Variants in NCK1 observed in about 807,000 individuals in gnomAD.
NCK1 encodes the protein SH2/SH3 adapter protein NCK1.
In NCK1, 19 loss-of-function variants were observed where a neutral mutation model predicts 36.6. That is an observed-to-expected ratio of 0.52 (90% CI 0.36 to 0.76). The LOEUF is 0.76. Ranked by LOEUF, NCK1 falls within the 30% of genes least tolerant of loss-of-function variation. NCK1 has a pLI of 0.00. For missense variants in NCK1, 358 were observed against 445.6 expected (o/e 0.80, Z 1.77); for synonymous variants, 165 against 156.0 (o/e 1.06, Z -0.43).
chr3:136,870,104 G>A (rs1938569091), intron 1 of NCK1, among the ~76,000 whole-genome samples: 1 of 149,982 alleles, frequency 6.7e-6, no homozygotes, highest in African/African-American at 2.5e-5. Context: ...CCCATTGGGA[G>A]GCCGAGGCAG....
intron 1 of NCK1, among the ~76,000 whole-genome samples, chr3:136,870,050 T>TTA (rs1491358312): frequency 9.9e-6 from 1 of 101,486 alleles, no homozygotes; most frequent in African/African-American, 2.8e-5. Flanking sequence ...TTTTTTTTTT[T>TTA]AAAAGAATCA....
chr3:136,936,605 A>G (rs546229293), intron 2 of NCK1, among the ~76,000 whole-genome samples: 2 of 152,286 alleles, frequency 1.3e-5, no homozygotes, highest in Non-Finnish European at 2.9e-5. Flanking sequence ...CCAGTATTGT[A>G]AGGGGGATTC....
At chr3:136,899,546 G>T in intron 1 of NCK1, 1 of 521,396 alleles carries the variant, frequency 1.9e-6, no homozygotes, top group Non-Finnish European at 3.6e-6. Context: ...CTGGTTTGGT[G>T]TTATTAGCAC....
chr3:136,881,008 A>G (rs1242061527), intron 1 of NCK1, among the ~76,000 whole-genome samples: 1 of 152,152 alleles, frequency 6.6e-6, no homozygotes, highest in African/African-American at 2.4e-5. Context: ...ATTTCATTAA[A>G]TGATATTGCC....
chr3:136,923,238 T>C (rs977734567), intron 1 of NCK1, among the ~76,000 whole-genome samples: 1 of 151,766 alleles, frequency 6.6e-6, no homozygotes, highest in Non-Finnish European at 1.5e-5. Context: ...TAAAAAAAAA[T>C]AGAAACATAA....
At chr3:136,883,947 G>A (rs1274891707) in intron 1 of NCK1, among the ~76,000 whole-genome samples, 2 of 152,222 alleles carry the variant, frequency 1.3e-5, no homozygotes, top group Non-Finnish European at 2.9e-5. Flanking sequence ...AGAAGAGCTG[G>A]ATTTTTGGAG....
chr3:136,864,214 C>G (rs182454148), intron 1 of NCK1, among the ~76,000 whole-genome samples: 29 of 152,142 alleles, frequency 1.9e-4, no homozygotes, highest in Admixed American at 3.3e-4. Context: ...TAATGTTGGC[C>G]GGGCTCGGTG....
At chr3:136,934,915 G>C (rs1383230123) in intron 2 of NCK1, among the ~76,000 whole-genome samples, 2 of 152,088 alleles carry the variant, frequency 1.3e-5, no homozygotes, top group Non-Finnish European at 2.9e-5. Context: ...TGAACTGTGA[G>C]GTCAGGAAGT....
Position 136,937,300 on chromosome 3 carries a change from C to T in NCK1, c.227-8283C>T, listed in dbSNP as rs74282431. Among the ~76,000 whole-genome samples, 105 of 152,250 alleles carry T rather than the reference C, an allele frequency of 6.9e-4. 2 individuals carry two copies. The East Asian group carries it at 0.019, about 28-fold the overall frequency. ...ATCCATGGGTTTATTTTAGGACTCT[C>T]GATTCTATTTCATTGCTGTATATGT... On this transcript the variant is annotated intron_variant, in intron 2 of 3. Transcript: ENST00000481752.
intron 2 of NCK1, among the ~76,000 whole-genome samples, chr3:136,928,884 A>T (rs1940320815): frequency 6.6e-6 from 1 of 151,592 alleles, no homozygotes; most frequent in Non-Finnish European, 1.5e-5. Context: ...AAAAAAAAAA[A>T]ATTAAACTCT....
At chr3:136,924,210 G>A (rs190796203) in intron 1 of NCK1, among the ~76,000 whole-genome samples, 5 of 152,180 alleles carry the variant, frequency 3.3e-5, no homozygotes, top group Admixed American at 2.0e-4. Context: ...CTAATAAATG[G>A]CAATAACAAG....
intron 2 of NCK1, among the ~76,000 whole-genome samples, chr3:136,933,861 C>T (rs1461561750): frequency 6.6e-6 from 1 of 152,036 alleles, no homozygotes; most frequent in African/African-American, 2.4e-5. Flanking sequence ...CATGCCACCA[C>T]ACCTGGCTAA....
chr3:136,868,534 G>A (rs190172400), intron 1 of NCK1, among the ~76,000 whole-genome samples: 1 of 152,194 alleles, frequency 6.6e-6, no homozygotes, highest in East Asian at 1.9e-4. Context: ...CACCATGTTG[G>A]CCAGGCTGAT....
At position 136,945,611 on chromosome 3, in the gene NCK1, T is replaced by G. The variant is rs183326283; in HGVS notation, c.255T>G (p.Ser85Arg). The change falls in exon 3 of 4, where the codon AGT becomes AGG. Residue 85 changes from serine to arginine, a missense_variant. Ser to Arg is a moderately radical substitution (Grantham distance 110, BLOSUM62 -1). Coordinates refer to ENST00000481752, the MANE Select transcript of NCK1 (RefSeq NM_001291999.2). Reference sequence around the variant, plus strand: ...TTGGAAAAGTGAAAAGAAAACCTAGTGTGCCAGATTCTGCATCTCCTGCTG... The same window carrying G: ...TTGGAAAAGTGAAAAGAAAACCTAGGGTGCCAGATTCTGCATCTCCTGCTG... Reference protein sequence around the residue: ...LGIGKVKRKPSVPDSASPADD... With the variant: ...LGIGKVKRKPRVPDSASPADD... 6.5e-5 allele frequency: 105 copies of G among 1,609,376 alleles called. No individual in the cohort carries two copies. The highest frequency in any genetic ancestry group is 8.6e-5 in the Non-Finnish European group (101 of 1,177,178).
intron 1 of NCK1, among the ~76,000 whole-genome samples, chr3:136,866,324 T>C (rs1185919181): frequency 1.3e-5 from 2 of 151,922 alleles, no homozygotes; most frequent in Non-Finnish European, 2.9e-5. Flanking sequence ...TTTTTTTTTT[T>C]TGAGACAGAG....
At position 136,922,275 on chromosome 3, in the gene NCK1, T is replaced by G. The variant is rs572446569; in HGVS notation, c.-18-5709T>G. 7.9e-5 allele frequency among the ~76,000 whole-genome samples: 12 copies of G among 152,362 alleles called. No homozygotes were observed. The South Asian group carries it at 1.7e-3, about 21-fold the overall frequency. On this transcript the variant is annotated intron_variant, in intron 1 of 3. Transcript: ENST00000481752. ...CAAAAGTGAAAGTTATCTTTTTGATTGTTTGCATTCCAAAGAGGTAGTTCT... is the reference window on the plus strand; with the variant it reads ...CAAAAGTGAAAGTTATCTTTTTGATGGTTTGCATTCCAAAGAGGTAGTTCT...
chr3:136,873,534 T>C (rs1938685296), intron 1 of NCK1, among the ~76,000 whole-genome samples: 1 of 152,120 alleles, frequency 6.6e-6, no homozygotes, highest in South Asian at 2.1e-4. Flanking sequence ...AGTTAAGACT[T>C]CGGGGGACTG....
intron 2 of NCK1, among the ~76,000 whole-genome samples, chr3:136,939,672 G>A (rs1382927441): frequency 6.6e-6 from 1 of 151,914 alleles, no homozygotes; most frequent in Non-Finnish European, 1.5e-5. Context: ...TCTCACAGTA[G>A]TGTCTAATCT....
intron 1 of NCK1, among the ~76,000 whole-genome samples, chr3:136,908,042 G>C (rs1050792553): frequency 1.3e-5 from 2 of 152,130 alleles, no homozygotes; most frequent in African/African-American, 4.8e-5. Context: ...GTTTCTGAAA[G>C]TCCAGTAGTT....
Sources: gnomAD v4.1 joint callset for allele counts (sites outside exome capture counted in the v4.1 genomes callset) on GRCh38, gnomAD v4.1.1 for gene constraint, MANE v1.5 for transcripts, NCBI Gene and HGNC (gene_info 2026-07-23, HGNC 2026-07-21) for gene names.